Variants in FPGT observed in about 807,000 individuals in gnomAD.
FPGT encodes the protein fucose-1-phosphate guanylyltransferase.
In FPGT, 41 loss-of-function variants were observed where a neutral mutation model predicts 45.8. The observed-to-expected ratio is 0.90, with a 90% confidence interval of 0.70 to 1.16. FPGT has a LOEUF of 1.16. FPGT is among the 50% of genes most tolerant of loss of function. The pLI is 0.00. For missense variants in FPGT, 755 were observed against 689.1 expected, an observed-to-expected ratio of 1.10 and a Z score of -1.07; for synonymous variants, 292 against 247.2, an observed-to-expected ratio of 1.18 and a Z score of -1.70.
At position 74,205,128 on chromosome 1, in the gene FPGT, A is replaced by G. The variant is rs750825586; in HGVS notation, c.1081A>G (p.Thr361Ala). Residue 361 changes from threonine to alanine, a missense_variant, in exon 4 of 4, where the codon ACA becomes GCA. Thr to Ala is a moderately conservative substitution (Grantham distance 58, BLOSUM62 0). Transcript: ENST00000370898. ...TAACTCCAAATTTTATCACATTGGA[A>G]CAACCGAAGAATATTTGTTTTACTT... ...LNNSKFYHIG[T>A]TEEYLFYFTS... The G allele has an allele frequency of 6.4e-5, 103 of 1,613,574 alleles. No individual in the cohort carries two copies. The highest frequency in any genetic ancestry group is 6.1e-5 in the Non-Finnish European group (72 of 1,179,594).
Position 74,198,331 on chromosome 1 carries a change from G to C in FPGT, c.53G>C (p.Arg18Pro). Residue 18 changes from arginine to proline, a missense_variant, in exon 1 of 4, where the codon CGA becomes CCA. Arg to Pro is a moderately radical substitution (Grantham distance 103). Transcript: ENST00000370898. ...GTATCGCTGCGAGAAGCCACCCAGC[G>C]AAAATTGCGGAGGTTTTCCGAGCTA... Reference protein sequence around the residue: ...PEVSLREATQRKLRRFSELRG... With the variant: ...PEVSLREATQPKLRRFSELRG... 1 of 1,614,174 alleles carries C rather than the reference G, an allele frequency of 6.2e-7. No individual in the cohort carries two copies. The highest frequency in any genetic ancestry group is 8.5e-7 in the Non-Finnish European group (1 of 1,180,036).
rs1253535737 is a variant in FPGT at position 74,208,476 on chromosome 1, T to A, written c.*2644T>A. 6.6e-6 allele frequency among the ~76,000 whole-genome samples: 1 copy of A among 152,092 alleles called. No homozygotes were observed. The highest frequency in any genetic ancestry group is 2.4e-5 in the African/African-American group (1 of 41,434). On this transcript the variant is annotated 3_prime_UTR_variant, in exon 4 of 4. Coordinates refer to ENST00000370898, the MANE Select transcript of FPGT (RefSeq NM_003838.5). Reference sequence around the variant, plus strand: ...TTTGTCTCATTTTATAATTTTTATTTTTATGAAATCATGGCACTTACATCA... The same window carrying A: ...TTTGTCTCATTTTATAATTTTTATTATTATGAAATCATGGCACTTACATCA...
Position 74,207,263 on chromosome 1 carries a change from T to C in FPGT, c.*1431T>C, listed in dbSNP as rs1007871677. 3 of 152,120 alleles carry C rather than the reference T, an allele frequency of 2.0e-5. No homozygotes were observed. The highest frequency in any genetic ancestry group is 4.8e-5 in the African/African-American group (2 of 41,438). The allele number at this position is 152,120 out of a possible 1,614,324, so 9.4% of individuals were successfully genotyped here. ...GAAATTTTCATATTTATTGGAGAGCTCTTTTAGATGTTTTTAAATACAGAT... is the reference window on the plus strand; with the variant it reads ...GAAATTTTCATATTTATTGGAGAGCCCTTTTAGATGTTTTTAAATACAGAT... On this transcript the variant is annotated 3_prime_UTR_variant, in exon 4 of 4. Coordinates refer to ENST00000370898, the MANE Select transcript of FPGT (RefSeq NM_003838.5).
Position 74,205,282 on chromosome 1 carries a change from C to T in FPGT, c.1235C>T (p.Ser412Phe), listed in dbSNP as rs773758675. The change falls in exon 4 of 4, where the codon TCT (serine) becomes TTT (phenylalanine). Residue 412 changes from serine (S) to phenylalanine (F), a missense_variant. By Grantham distance (155) the Ser-to-Phe change is radical. Transcript: ENST00000370898. ...IIQSILDSRC[S>F]VAPGSVVEYS... Reference sequence around the variant, plus strand: ...CAAAGCATACTGGATTCAAGATGTTCTGTGGCACCTGGCTCAGTTGTGGAG... The same window carrying T: ...CAAAGCATACTGGATTCAAGATGTTTTGTGGCACCTGGCTCAGTTGTGGAG... The T allele has an allele frequency of 1.2e-6, 2 of 1,613,806 alleles. No individual in the cohort carries two copies. The highest frequency in any genetic ancestry group is 1.3e-5 in the African/African-American group (1 of 74,906).
Position 74,204,636 on chromosome 1 carries a change from T to C in FPGT, c.589T>C (p.Leu197=). The C allele has an allele frequency of 2.5e-6, 4 of 1,613,970 alleles. No homozygotes were observed. Among genetic ancestry groups the C allele is most frequent in the Non-Finnish European group, 3.4e-6 (4 of 1,179,836 alleles). The part of the protein sequence containing the change: ...GFTALAHPSS[L]TIGTTHGVFV... ...TACTGCTTTAGCTCATCCTTCTAGT[T>C]TGACGATAGGTACCACACATGGAGT... The change falls in exon 4 of 4, where the codon TTG becomes CTG. Residue 197 remains leucine, a synonymous_variant. Coordinates refer to ENST00000370898, the MANE Select transcript of FPGT (RefSeq NM_003838.5).
chr1:74,204,797 A>G lies in FPGT; in HGVS notation c.750A>G (p.Gln250=). Residue 250 remains glutamine, a synonymous_variant, in exon 4 of 4, where the codon CAA becomes CAG. Coordinates refer to ENST00000370898, the MANE Select transcript of FPGT (RefSeq NM_003838.5). ...TGTGTAGACCTGGAAATTTTTGTCA[A>G]CAGGACTTTGCTGGGGGTGACATTG... ...NAVCRPGNFC[Q]QDFAGGDIAD... 6.2e-7 allele frequency: 1 copy of G among 1,613,748 alleles called. No individual in the cohort carries two copies. Among genetic ancestry groups the G allele is most frequent in the Non-Finnish European group, 8.5e-7 (1 of 1,179,930 alleles).
At chr1:74,201,713 A>G (rs936830683) in intron 3 of FPGT, among the ~76,000 whole-genome samples, 1 of 152,198 alleles carries the variant, frequency 6.6e-6, no homozygotes, top group Non-Finnish European at 1.5e-5. Context: ...TCATTCAAAT[A>G]TGAATAGTTC....
rs769045501 is a variant in FPGT, at chr1:74,204,565, A to G, written c.518A>G (p.Tyr173Cys). 8 of 1,609,354 alleles carry G rather than the reference A, an allele frequency of 5.0e-6. No homozygotes were observed. The highest frequency in any genetic ancestry group is 6.0e-6 in the Non-Finnish European group (7 of 1,175,854). The change falls in exon 4 of 4, where the codon TAT becomes TGT. Residue 173 changes from tyrosine to cysteine, a missense_variant. Coordinates refer to ENST00000370898, the MANE Select transcript of FPGT (RefSeq NM_003838.5). ...LVTCADDIEL[Y>C]SIGEFEFIRF... Reference sequence around the variant, plus strand: ...ACCTGTGCAGATGATATTGAACTTTATAGTATTGGAGAATTTGAGTTTATT... The same window carrying G: ...ACCTGTGCAGATGATATTGAACTTTGTAGTATTGGAGAATTTGAGTTTATT...
Position 74,206,716 on chromosome 1 carries a change from G to C in FPGT, c.*884G>C, listed in dbSNP as rs149064479. ...TGGTGATGCTGAGAAACAATAATTG[G>C]CCCAAATGCAGACATCAAGAAGCAG... On this transcript the variant is annotated 3_prime_UTR_variant, in exon 4 of 4. Transcript: ENST00000370898. 26 of 151,960 alleles carry C rather than the reference G, an allele frequency of 1.7e-4. No homozygotes were observed. The highest frequency in any genetic ancestry group is 6.0e-4 in the African/African-American group (25 of 41,456). 9.4% of individuals were successfully genotyped at this position (151,960 alleles called of 1,614,324 possible). A position where few individuals can be genotyped will look rare whatever the true frequency, so the allele number is the denominator to read the frequency against.
rs1297160748 is a variant in FPGT at position 74,207,215 on chromosome 1, T to C, written c.*1383T>C. On this transcript the variant is annotated 3_prime_UTR_variant, in exon 4 of 4. Transcript: ENST00000370898. ...CCATTAAGAAAAACACAATAAAACA[T>C]GACACTGCTTTTTTTGTTACTTGAA... 6.6e-6 allele frequency: 1 copy of C among 152,118 alleles called. No homozygotes were observed. Among genetic ancestry groups the C allele is most frequent in the Non-Finnish European group, 1.5e-5 (1 of 67,954 alleles). 9.4% of individuals were successfully genotyped at this position (152,118 alleles called of 1,614,324 possible).
rs1264608857 is a variant in FPGT, at chr1:74,201,347, C to T, written c.280C>T (p.Gln94Ter). ...GNGGSTLCAL[Q>*]CLEKLYGDKW... ...TGGAGGATCAACACTTTGTGCCCTTCAATGTTTGGAAAAGCTATATGGAGA... is the reference window on the plus strand; with the variant it reads ...TGGAGGATCAACACTTTGTGCCCTTTAATGTTTGGAAAAGCTATATGGAGA... The change falls in exon 3 of 4, where the codon CAA becomes TAA. Residue 94 changes from glutamine (Q) to a stop codon, truncating the protein, a stop_gained. Transcript: ENST00000370898. LOFTEE classifies it high-confidence loss of function. The T allele has an allele frequency of 6.2e-7, 1 of 1,612,000 alleles. No homozygotes were observed. Among genetic ancestry groups the T allele is most frequent in the Non-Finnish European group, 8.5e-7 (1 of 1,179,290 alleles).
At chr1:74,198,875 C>T (rs1168973772) in intron 1 of FPGT, among the ~76,000 whole-genome samples, 1 of 152,100 alleles carries the variant, frequency 6.6e-6, no homozygotes, top group East Asian at 1.9e-4. Flanking sequence ...TCCCTGTACA[C>T]CTGTCTAATA....
Position 74,207,272 on chromosome 1 carries a change from T to G in FPGT, c.*1440T>G, listed in dbSNP as rs1218898611. ...ATATTTATTGGAGAGCTCTTTTAGA[T>G]GTTTTTAAATACAGATTTTTATTTA... On this transcript the variant is annotated 3_prime_UTR_variant, in exon 4 of 4. Transcript: ENST00000370898. 1 of 152,124 alleles carries G rather than the reference T, an allele frequency of 6.6e-6. No homozygotes were observed. The highest frequency in any genetic ancestry group is 1.5e-5 in the Non-Finnish European group (1 of 67,980). The allele number at this position is 152,124 out of a possible 1,614,324, so 9.4% of individuals were successfully genotyped here.
intron 2 of FPGT, among the ~76,000 whole-genome samples, chr1:74,201,116 T>C (rs1651750839): frequency 6.6e-6 from 1 of 152,166 alleles, no homozygotes; most frequent in Admixed American, 6.6e-5. Context: ...GTTGTCTGGG[T>C]TTCATTGCTA....
At chr1:74,201,281 A>G (rs200830563) in intron 2 of FPGT, 37 bp from the exon 3 acceptor site, 35 of 1,550,028 alleles carry the variant, frequency 2.3e-5, no homozygotes, top group Non-Finnish European at 2.8e-5. Flanking sequence ...GTAGGTTTCT[A>G]TTAAATAAAT....
intron 3 of FPGT, among the ~76,000 whole-genome samples, chr1:74,203,692 T>A (rs1334741380): frequency 2.6e-5 from 4 of 151,852 alleles, no homozygotes; most frequent in Non-Finnish European, 4.4e-5. Flanking sequence ...CGCCTGGCCT[T>A]CTGTGAAGTA....
At chr1:74,199,959 G>T in intron 2 of FPGT, 128 bp downstream of exon 2, 2 of 1,111,574 alleles carry the variant, frequency 1.8e-6, no homozygotes, top group Non-Finnish European at 2.4e-6. Flanking sequence ...TTTAAAATTT[G>T]AACATAAATT....
rs200769839 is a variant in FPGT at position 74,204,824 on chromosome 1, C to T, written c.777C>T (p.Ala259=). 15 of 1,613,444 alleles carry T rather than the reference C, an allele frequency of 9.3e-6. No homozygotes were observed. The highest frequency in any genetic ancestry group is 8.9e-5 in the East Asian group (4 of 44,860). The change falls in exon 4 of 4, where the codon GCC becomes GCT. Residue 259 remains alanine, a synonymous_variant. Coordinates refer to ENST00000370898, the MANE Select transcript of FPGT (RefSeq NM_003838.5). Reference sequence around the variant, plus strand: ...AGGACTTTGCTGGGGGTGACATTGCCGATCTTAAATTAGACTCTGACTATG... The same window carrying T: ...AGGACTTTGCTGGGGGTGACATTGCTGATCTTAAATTAGACTCTGACTATG... The part of the protein sequence containing the change: ...CQQDFAGGDI[A]DLKLDSDYVY...
At chr1:74,203,080 A>G (rs947657568) in intron 3 of FPGT, among the ~76,000 whole-genome samples, 2 of 152,230 alleles carry the variant, frequency 1.3e-5, no homozygotes, top group Non-Finnish European at 2.9e-5. Context: ...TATAGTAAAT[A>G]CATAAACCAG....
Sources: gnomAD v4.1 joint callset for allele counts (sites outside exome capture counted in the v4.1 genomes callset) on GRCh38, gnomAD v4.1.1 for gene constraint, MANE v1.5 for transcripts, NCBI Gene and HGNC (gene_info 2026-07-23, HGNC 2026-07-21) for gene names.